The following XPR1 variants were observed in gnomAD, a reference collection of about 807,000 sequenced individuals.
The protein encoded by XPR1 is solute carrier family 53 member 1.
Under a neutral mutation model 87.5 loss-of-function variants are expected in XPR1, and 28 were observed. That is an observed-to-expected ratio of 0.32 (90% CI 0.24 to 0.44). The LOEUF is 0.44. Among genes scored for constraint, XPR1 ranks in the 20% least tolerant of loss-of-function variants. The pLI, the probability that XPR1 is intolerant of heterozygous loss-of-function variation, is 1.00. For synonymous variants in XPR1, 300 were observed against 306.1 expected (o/e 0.98, Z 0.21); for missense variants, 559 against 862.3 (o/e 0.65, Z 4.41).
intron 1 of XPR1, among the ~76,000 whole-genome samples, chr1:180,674,099 T>G (rs1346949746): frequency 1.3e-5 from 2 of 152,242 alleles, no homozygotes; most frequent in Non-Finnish European, 2.9e-5. Flanking sequence ...TGTATGATCA[T>G]GAATCAAACT....
intron 1 of XPR1, among the ~76,000 whole-genome samples, chr1:180,679,164 C>T (rs751648702): frequency 4.6e-5 from 7 of 152,132 alleles, no homozygotes; most frequent in Non-Finnish European, 7.4e-5. Context: ...CACTGCACTC[C>T]AGCCTGGGTG....
rs116694004 is a variant in XPR1, at chr1:180,717,917, T to C, written c.121+35506T>C. ...AGTAATGGCAAAAACCGCAATTACTTTTGCACCAACCCAATAGTTACATTT... is the reference window on the plus strand; with the variant it reads ...AGTAATGGCAAAAACCGCAATTACTCTTGCACCAACCCAATAGTTACATTT... On this transcript the variant is annotated intron_variant, in intron 2 of 14. Coordinates refer to ENST00000367590, the MANE Select transcript of XPR1 (RefSeq NM_004736.4). 4.5e-3 allele frequency among the ~76,000 whole-genome samples: 692 copies of C among 152,220 alleles called. 12 individuals carry two copies. Among genetic ancestry groups the C allele is most frequent in the African/African-American group, 0.016 (669 of 41,540 alleles).
At chr1:180,683,459 A>G (rs1656655389) in intron 2 of XPR1, among the ~76,000 whole-genome samples, 1 of 152,208 alleles carries the variant, frequency 6.6e-6, no homozygotes, top group African/African-American at 2.4e-5. Context: ...AGCGTGATTT[A>G]TAATCCTTTG....
At chr1:180,761,141 T>C (rs558594598) in intron 2 of XPR1, among the ~76,000 whole-genome samples, 39 of 152,324 alleles carry the variant, frequency 2.6e-4, no homozygotes, top group Middle Eastern at 3.4e-3. Flanking sequence ...ATTTAAATGT[T>C]AGACCTAAAA....
At chr1:180,776,371 G>T (rs981658495) in intron 2 of XPR1, among the ~76,000 whole-genome samples, 6 of 151,564 alleles carry the variant, frequency 4.0e-5, no homozygotes, top group Admixed American at 3.9e-4. Flanking sequence ...AGTAGTTATT[G>T]AATTATTATG....
At chr1:180,705,161 AGG>A (rs1657517248) in intron 2 of XPR1, among the ~76,000 whole-genome samples, 1 of 152,062 alleles carries the variant, frequency 6.6e-6, no homozygotes. Context: ...TTTTGGGATT[AGG>A]GTATTGGGGG....
chr1:180,856,950 TG>T (rs574660375), intron 11 of XPR1, among the ~76,000 whole-genome samples: 232 of 152,286 alleles, frequency 1.5e-3, no homozygotes, highest in African/African-American at 4.6e-3. Flanking sequence ...TAAATCGAAA[TG>T]TGCCGTAAGT....
intron 12 of XPR1, among the ~76,000 whole-genome samples, chr1:180,865,891 C>G (rs111243900): frequency 0.013 from 1,913 of 152,188 alleles, 30 homozygotes; most frequent in African/African-American, 0.044. Flanking sequence ...GAAAGATGTT[C>G]TGCTGGATCA....
intron 1 of XPR1, among the ~76,000 whole-genome samples, chr1:180,659,453 C>CCCTCCCTT (rs751171524): frequency 9.7e-4 from 109 of 112,066 alleles, no homozygotes; most frequent in Middle Eastern, 4.5e-3. Flanking sequence ...CCTCCTTCTT[C>CCCTCCCTT]CCTCCCTTCC....
intron 2 of XPR1, among the ~76,000 whole-genome samples, chr1:180,690,062 A>G (rs906768628): frequency 6.6e-6 from 1 of 152,034 alleles, no homozygotes; most frequent in African/African-American, 2.4e-5. Context: ...AGGCTAAGCA[A>G]TGAGAATTGC....
At chr1:180,858,551 A>T (rs1332202933) in intron 11 of XPR1, among the ~76,000 whole-genome samples, 2 of 152,182 alleles carry the variant, frequency 1.3e-5, no homozygotes, top group Non-Finnish European at 2.9e-5. Flanking sequence ...TGTTCCTTAG[A>T]TGAGGATTCC....
intron 3 of XPR1, among the ~76,000 whole-genome samples, chr1:180,791,096 A>G (rs1425282895): frequency 6.6e-6 from 1 of 152,206 alleles, no homozygotes; most frequent in East Asian, 1.9e-4. Context: ...GTAAGGCTGT[A>G]GACTATGAAT....
chr1:180,837,400 GT>G (rs1651332414), intron 11 of XPR1, among the ~76,000 whole-genome samples: 1 of 152,040 alleles, frequency 6.6e-6, no homozygotes, highest in Non-Finnish European at 1.5e-5. Context: ...TCATCTGTAG[GT>G]TGTAAAGAGA....
At chr1:180,876,453 TG>T in intron 13 of XPR1, among the ~76,000 whole-genome samples, 2 of 152,188 alleles carry the variant, frequency 1.3e-5, no homozygotes, top group East Asian at 3.9e-4. Context: ...CTGGCCAACA[TG>T]GTGAAACCCC....
chr1:180,860,383 C>T (rs1652180673), intron 11 of XPR1, among the ~76,000 whole-genome samples: 1 of 152,100 alleles, frequency 6.6e-6, no homozygotes, highest in Non-Finnish European at 1.5e-5. Flanking sequence ...AAACATATTA[C>T]ATAAAGTCTT....
At chr1:180,865,428 T>A (rs1419604143) in intron 12 of XPR1, among the ~76,000 whole-genome samples, 2 of 148,140 alleles carry the variant, frequency 1.4e-5, no homozygotes, top group Non-Finnish European at 3.0e-5. Flanking sequence ...TGAGACAGAG[T>A]CTTGCTCTGT....
chr1:180,847,037 T>C (rs1485600805), intron 11 of XPR1, among the ~76,000 whole-genome samples: 1 of 152,148 alleles, frequency 6.6e-6, no homozygotes, highest in Non-Finnish European at 1.5e-5. Context: ...CTTTTAAAGG[T>C]AGAATTGTAC....
At chr1:180,661,476 C>CGTGTGTGTGTGTGT (rs60527318) in intron 1 of XPR1, among the ~76,000 whole-genome samples, 29 of 142,466 alleles carry the variant, frequency 2.0e-4, no homozygotes, top group Admixed American at 1.3e-3. Flanking sequence ...TTTAATTTTT[C>CGTGTGTGTGTGTGT]GTGTGTGTGT....
chr1:180,694,620 C>T (rs897446463), intron 2 of XPR1, among the ~76,000 whole-genome samples: 1 of 150,960 alleles, frequency 6.6e-6, no homozygotes, highest in African/African-American at 2.5e-5. Flanking sequence ...CAATGTATTC[C>T]CCTTCCCCAA....
Sources: allele counts gnomAD v4.1 joint callset (sites outside exome capture counted in the v4.1 genomes callset), GRCh38; gene constraint gnomAD v4.1.1; transcripts MANE v1.5; gene names NCBI Gene and HGNC (gene_info 2026-07-23, HGNC 2026-07-21).